ZNF215: variants seen among roughly 807,000 people sequenced by gnomAD.
ZNF215 encodes zinc finger protein 215.
Under a neutral mutation model 27.2 loss-of-function variants are expected in ZNF215, and 24 were observed. That is an observed-to-expected ratio of 0.88 (90% CI 0.64 to 1.24). ZNF215 has a LOEUF of 1.24. Ranked by LOEUF, ZNF215 falls within the 50% of genes most tolerant of loss-of-function variation. The pLI, the probability that ZNF215 is intolerant of heterozygous loss-of-function variation, is 0.00. For synonymous variants in ZNF215, 210 were observed against 204.0 expected, an observed-to-expected ratio of 1.03 and a Z score of -0.25; for missense variants, 675 against 605.7, an observed-to-expected ratio of 1.11 and a Z score of -1.20.
intron 5 of ZNF215, among the ~76,000 whole-genome samples, chr11:6,965,760 G>A (rs1406280579): frequency 1.3e-5 from 2 of 152,008 alleles, no homozygotes; most frequent in East Asian, 1.9e-4. Flanking sequence ...TCCTATGAGG[G>A]TGCTAAATTC....
downstream of ZNF215, among the ~76,000 whole-genome samples, chr11:6,961,988 T>A (rs2133319229): frequency 6.6e-6 from 1 of 152,244 alleles, no homozygotes; most frequent in Admixed American, 6.5e-5. Context: ...TAGAGCCGCT[T>A]TGGTCCCAAT....
intron 2 of ZNF215, among the ~76,000 whole-genome samples, chr11:6,930,191 A>C (rs1849204329): frequency 6.6e-6 from 1 of 151,910 alleles, no homozygotes; most frequent in Admixed American, 6.6e-5. Flanking sequence ...TCCTAGAATC[A>C]ACCATTTCTC....
In ZNF215 at chr11:6,957,865, C is replaced by G; in HGVS notation, c.*1334C>G. On this transcript the variant is annotated 3_prime_UTR_variant, in exon 7 of 7. Coordinates refer to ENST00000278319, the MANE Select transcript of ZNF215 (RefSeq NM_013250.4). The stretch of plus-strand genomic sequence containing the variant: ...ACACCAGAACTGTGTCTTCTGTAAA[C>G]TACCTCAGGATCCCATCTGGTTCTT... 2.0e-6 allele frequency: 2 copies of G among 985,408 alleles called. No individual in the cohort carries two copies. Among genetic ancestry groups the G allele is most frequent in the Non-Finnish European group, 2.4e-6 (2 of 829,928 alleles). The allele number at this position is 985,408 out of a possible 1,614,324, so 61.0% of individuals were successfully genotyped here.
downstream of ZNF215, among the ~76,000 whole-genome samples, chr11:6,960,370 T>G (rs560465126): frequency 2.6e-5 from 4 of 152,234 alleles, no homozygotes; most frequent in African/African-American, 9.6e-5. Context: ...ATGCGCAGTC[T>G]GCATAAAGGA....
At chr11:6,990,597 G>A (rs1482642877), downstream of ZNF215, among the ~76,000 whole-genome samples, 2 of 152,148 alleles carry the variant, frequency 1.3e-5, no homozygotes, top group Non-Finnish European at 2.9e-5. Context: ...CCACATTAAT[G>A]TATTATCTAT....
intron 5 of ZNF215, chr11:6,984,126 C>A: frequency 3.3e-6 from 1 of 298,548 alleles, no homozygotes. Context: ...TTTTTTTTTT[C>A]AGATGGAGTT....
At chr11:6,989,463 C>G (rs571261233), downstream of ZNF215, among the ~76,000 whole-genome samples, 278 of 152,224 alleles carry the variant, frequency 1.8e-3, 1 homozygote, top group African/African-American at 6.3e-3. Context: ...CTACCTGGAA[C>G]ATCAAATGAC....
Position 6,973,068 on chromosome 11 carries a change from C to T in ZNF215, c.806-11061C>T, listed in dbSNP as rs1590084133. Among the ~76,000 whole-genome samples the T allele has an allele frequency of 3.3e-5, 5 of 152,136 alleles. No individual in the cohort carries two copies. The East Asian group carries it at 9.7e-4, about 29-fold the overall frequency. ...CTTTCCCTCCCACCCCACAACAGGC[C>T]CCGGTGTGTGATGTCCCCCTTCCTG... On this transcript the variant is annotated intron_variant, in intron 5 of 5. Coordinates refer to the ZNF215 transcript ENST00000529903.
chr11:6,986,158 A>G (rs1331850914), downstream of ZNF215, among the ~76,000 whole-genome samples: 11 of 152,192 alleles, frequency 7.2e-5, no homozygotes, highest in Non-Finnish European at 1.0e-4. Context: ...CCAAAATAGC[A>G]TGATTCTGGT....
Position 6,940,632 on chromosome 11 carries a change from T to G in ZNF215, c.401-939T>G, listed in dbSNP as rs183516083. 2.3e-3 allele frequency among the ~76,000 whole-genome samples: 343 copies of G among 152,318 alleles called. 2 individuals are homozygous for G. The highest frequency in any genetic ancestry group is 6.8e-3 in the Middle Eastern group (2 of 294). ...CCTGATGTGTTTTAAGAAGTCCCTA[T>G]GCAGTTGTTTAAATTGTTGAACCCA... is the stretch of plus-strand genomic sequence containing the variant. On this transcript the variant is annotated intron_variant, in intron 3 of 6. Coordinates refer to ENST00000278319, the MANE Select transcript of ZNF215 (RefSeq NM_013250.4).
chr11:6,943,093 C>T lies in ZNF215; in HGVS notation c.494C>T (p.Thr165Ile). The change falls in exon 5 of 7, where the codon ACA becomes ATA. Residue 165 changes from threonine (T) to isoleucine (I), a missense_variant. Thr to Ile is a moderately conservative substitution (Grantham distance 89). Coordinates refer to ENST00000278319, the MANE Select transcript of ZNF215 (RefSeq NM_013250.4). ...SRTGKPQEPV[T>I]FKDVVVEFSK... ...AACTTAATGTTTTAGGAACCAGTGA[C>T]ATTCAAAGATGTGGTTGTGGAATTC... The T allele has an allele frequency of 3.7e-6, 6 of 1,612,410 alleles. No homozygotes were observed. Among genetic ancestry groups the T allele is most frequent in the Non-Finnish European group, 5.1e-6 (6 of 1,179,518 alleles).
chr11:6,977,007 G>A (rs766340440), intron 5 of ZNF215, among the ~76,000 whole-genome samples: 1 of 152,002 alleles, frequency 6.6e-6, no homozygotes. Context: ...TCCTGGGCTT[G>A]TGGCTACATC....
At chr11:6,959,826 A>G (rs1449843346), downstream of ZNF215, among the ~76,000 whole-genome samples, 1 of 152,218 alleles carries the variant, frequency 6.6e-6, no homozygotes, top group Admixed American at 6.5e-5. Flanking sequence ...TACTAGTAAC[A>G]TAGTGTGATA....
At chr11:6,969,586 T>TA (rs5789492) in intron 5 of ZNF215, among the ~76,000 whole-genome samples, 14 of 151,652 alleles carry the variant, frequency 9.2e-5, no homozygotes, top group East Asian at 5.8e-4. Flanking sequence ...TGAAAATAGC[T>TA]AAAAAAAAAA....
chr11:6,954,175 G>T (rs1435163701), intron 6 of ZNF215, among the ~76,000 whole-genome samples: 2 of 142,054 alleles, frequency 1.4e-5, no homozygotes, highest in African/African-American at 5.2e-5. Flanking sequence ...AGGCTGCTCG[G>T]GGGTCAGGGT....
intron 3 of ZNF215, among the ~76,000 whole-genome samples, 175 bp downstream of exon 3, chr11:6,932,847 C>T (rs1292258878): frequency 6.6e-6 from 1 of 152,126 alleles, no homozygotes; most frequent in Non-Finnish European, 1.5e-5. Context: ...TTAGATCTCA[C>T]AGATTGGGTA....
intron 2 of ZNF215, among the ~76,000 whole-genome samples, chr11:6,931,537 A>G (rs574569043): frequency 1.3e-5 from 2 of 152,370 alleles, no homozygotes; most frequent in South Asian, 2.1e-4. Flanking sequence ...GTAATTCTCC[A>G]TAGTAACTCC....
At chr11:6,944,623 T>C (rs912409917) in intron 6 of ZNF215, among the ~76,000 whole-genome samples, 22 of 152,190 alleles carry the variant, frequency 1.4e-4, no homozygotes, top group Non-Finnish European at 2.9e-4. Context: ...GATATTAATA[T>C]AAGTTCTAGT....
intron 2 of ZNF215, among the ~76,000 whole-genome samples, chr11:6,931,701 G>T (rs963899862): frequency 4.6e-5 from 7 of 152,014 alleles, no homozygotes; most frequent in Non-Finnish European, 8.8e-5. Flanking sequence ...AATTTTATTG[G>T]CATTTTAAAG....
Sources: allele counts gnomAD v4.1 joint callset (sites outside exome capture counted in the v4.1 genomes callset), GRCh38; gene constraint gnomAD v4.1.1; transcripts MANE v1.5; gene names NCBI Gene and HGNC (gene_info 2026-07-23, HGNC 2026-07-21).